The following ATAD3A variants were observed in gnomAD, a reference collection of about 807,000 sequenced individuals.
ATAD3A encodes the protein ATPase family AAA domain containing 3A, also known as ATPase family AAA domain-containing protein 3A.
In ATAD3A, 46 loss-of-function variants were observed where a neutral mutation model predicts 73.8. The ratio of observed to expected loss-of-function variants is 0.62; its 90% CI spans 0.49 to 0.80. The LOEUF (loss-of-function observed/expected upper bound fraction) is 0.80, where lower values mean the gene tolerates loss of function less well. Among genes scored for constraint, ATAD3A ranks in the 30% least tolerant of loss-of-function variants. ATAD3A has a pLI of 0.00. For missense variants in ATAD3A, 705 were observed against 838.0 expected, an observed-to-expected ratio of 0.84 and a Z score of 1.96; for synonymous variants, 319 against 350.0, an observed-to-expected ratio of 0.91 and a Z score of 0.99.
intron 15 of ATAD3A, among the ~76,000 whole-genome samples, chr1:1,531,823 G>A (rs1239714602): frequency 2.0e-5 from 3 of 151,450 alleles, no homozygotes; most frequent in African/African-American, 7.3e-5. Context: ...GGCTGGGCAC[G>A]GTGGCTCACA....
chr1:1,523,951 C>G lies in ATAD3A; in HGVS notation c.1076C>G (p.Thr359Arg). 1 of 1,613,928 alleles carries G rather than the reference C, an allele frequency of 6.2e-7. No homozygotes were observed. ...LMYGPPGTGK[T>R]LFAKKLALHS... ...TACGGGCCACCAGGCACCGGGAAGACGCTGTTTGCCAAGGTGAGAGCGCCT... is the reference window on the plus strand; with the variant it reads ...TACGGGCCACCAGGCACCGGGAAGAGGCTGTTTGCCAAGGTGAGAGCGCCT... Residue 359 changes from threonine (T) to arginine (R), a missense_variant, in exon 10 of 16, where the codon ACG becomes AGG. Thr to Arg is a moderately conservative substitution (Grantham distance 71). Around this residue, in one of 5 missense-constraint regions of ATAD3A, gnomAD observed 315 missense variants for 334.1 expected, o/e 0.94. Coordinates refer to ENST00000378756, the MANE Select transcript of ATAD3A (RefSeq NM_001170535.3). The surrounding 1 kb of genome is among the most constrained non-coding windows in gnomAD (Gnocchi z 5.1).
chr1:1,516,444 G>A (rs1641360895), intron 2 of ATAD3A, among the ~76,000 whole-genome samples: 1 of 152,100 alleles, frequency 6.6e-6, no homozygotes, highest in South Asian at 2.1e-4. Flanking sequence ...TTGAAACGGA[G>A]TCTCTGTTTC....
Position 1,523,553 on chromosome 1 carries a change from G to A in ATAD3A, c.949G>A (p.Gly317Ser). 6.2e-7 allele frequency: 1 copy of A among 1,613,004 alleles called. No individual in the cohort carries two copies. Among genetic ancestry groups the A allele is most frequent in the Non-Finnish European group, 8.5e-7 (1 of 1,179,764 alleles). Residue 317 changes from glycine (G) to serine (S), a missense_variant, in exon 9 of 16, where the codon GGT (glycine) becomes AGT (serine). Physicochemically the swap from Gly to Ser is moderately conservative, Grantham distance 56 (BLOSUM62 0). Around this residue, in one of 5 missense-constraint regions of ATAD3A, gnomAD observed 315 missense variants for 334.1 expected, o/e 0.94. Transcript: ENST00000378756. The surrounding 1 kb of genome is among the most constrained non-coding windows in gnomAD (Gnocchi z 5.1). ...CAGTCGACCCCAGGACGCGCTGGAG[G>A]GTGTTGTGCTCAGTGTAAGTCGGTG... ...LLSRPQDALE[G>S]VVLSPSLEAR...
At chr1:1,525,104 A>T in intron 11 of ATAD3A, 136 bp from the exon 12 acceptor site, 1 of 1,229,534 alleles carries the variant, frequency 8.1e-7, no homozygotes, top group Non-Finnish European at 1.2e-6. Context: ...CGAGTCCAGG[A>T]CTTAGGGCTG....
At chr1:1,514,328 T>C (rs537020914) in intron 1 of ATAD3A, among the ~76,000 whole-genome samples, 2 of 152,086 alleles carry the variant, frequency 1.3e-5, no homozygotes, top group Non-Finnish European at 2.9e-5. Flanking sequence ...TTCCTGTCAC[T>C]GCTCTGTGGC....
intron 7 of ATAD3A, among the ~76,000 whole-genome samples, chr1:1,521,016 G>A (rs1186437266): frequency 6.6e-6 from 1 of 151,808 alleles, no homozygotes; most frequent in Non-Finnish European, 1.5e-5. Context: ...AAAAATTGTC[G>A]ATAGTCGTGG....
At position 1,515,754 on chromosome 1, in the gene ATAD3A, C is replaced by T. The variant is rs566474475; in HGVS notation, c.206-258C>T. Among the ~76,000 whole-genome samples the T allele has an allele frequency of 5.9e-5, 9 of 152,306 alleles. No homozygotes were observed. The South Asian group carries it at 1.9e-3, about 32-fold the overall frequency. On this transcript the variant is annotated intron_variant, in intron 1 of 15. Transcript: ENST00000378756. ...TTGGGAAAGAGCCTCCTCCCGTCCA[C>T]GTGGGATGGCCTTCCTGATGTGGCT...
At chr1:1,519,036 C>CTTGTGGACCCGGCGTGCACTCT (rs1641493202) in intron 5 of ATAD3A, 46 bp downstream of exon 5, 1 of 1,613,630 alleles carries the variant, frequency 6.2e-7, no homozygotes, top group South Asian at 1.1e-5. Flanking sequence ...GCGGGGGCTG[C>CTTGTGGACCCGGCGTGCACTCT]TTGTGGACCC....
intron 1 of ATAD3A, among the ~76,000 whole-genome samples, chr1:1,514,495 T>C (rs1308592445): frequency 6.6e-6 from 1 of 152,218 alleles, no homozygotes; most frequent in Non-Finnish European, 1.5e-5. Context: ...CGGTCTCATC[T>C]GTGCTCTGTT....
intron 15 of ATAD3A, among the ~76,000 whole-genome samples, chr1:1,532,947 C>A (rs537753558): frequency 6.7e-6 from 1 of 149,888 alleles, no homozygotes; most frequent in East Asian, 1.9e-4. Context: ...CCCGGGCCCC[C>A]GACCCACAGT....
chr1:1,532,319 T>C (rs1642058689), intron 15 of ATAD3A, among the ~76,000 whole-genome samples: 1 of 152,168 alleles, frequency 6.6e-6, no homozygotes, highest in African/African-American at 2.4e-5. Context: ...AGTGAGGAAA[T>C]GTTCTTCAAT....
In ATAD3A at chr1:1,520,452, C is replaced by CCGTG; in HGVS notation, c.681-94_681-91dup. 2 of 1,606,796 alleles carry CCGTG rather than the reference C, an allele frequency of 1.2e-6. No individual in the cohort carries two copies. The highest frequency in any genetic ancestry group is 2.7e-5 in the African/African-American group (2 of 74,984). The stretch of plus-strand genomic sequence containing the variant: ...GCACTGCCCCTCTGTCCTGGCAAGG[C>CCGTG]CGTGCCGCCATGTCAGGGCCTCACC... On this transcript the variant is annotated intron_variant, in intron 6 of 15. Coordinates refer to ENST00000378756, the MANE Select transcript of ATAD3A (RefSeq NM_001170535.3). This position sits in a 1 kb window ranked among gnomAD's most constrained non-coding sequence, Gnocchi z 4.0.
chr1:1,532,163 T>A (rs1339357151), intron 15 of ATAD3A, among the ~76,000 whole-genome samples: 4 of 152,168 alleles, frequency 2.6e-5, no homozygotes, highest in Non-Finnish European at 4.4e-5. Flanking sequence ...GGGTGTATAA[T>A]TTTTTTATTA....
Position 1,523,751 on chromosome 1 carries a change from G to A in ATAD3A, c.964-88G>A, listed in dbSNP as rs1166339988. ...GGTGGGAGGCTTCCCGAGGAGCCGA[G>A]TCTGCACCCAGGCATTCCCGCAGCC... On this transcript the variant is annotated intron_variant, in intron 9 of 15. Transcript: ENST00000378756. The surrounding 1 kb of genome is among the most constrained non-coding windows in gnomAD (Gnocchi z 5.1). The A allele has an allele frequency of 6.2e-7, 1 of 1,601,782 alleles. No homozygotes were observed. The highest frequency in any genetic ancestry group is 8.5e-7 in the Non-Finnish European group (1 of 1,173,190).
At chr1:1,531,339 T>A (rs1261006653) in intron 15 of ATAD3A, among the ~76,000 whole-genome samples, 2 of 151,640 alleles carry the variant, frequency 1.3e-5, no homozygotes, top group Non-Finnish European at 2.9e-5. Context: ...TAATCCCAGC[T>A]ACTTGGGAGA....
intron 12 of ATAD3A, 100 bp downstream of exon 12, chr1:1,525,391 G>T: frequency 8.9e-5 from 104 of 1,162,528 alleles, no homozygotes; most frequent in Middle Eastern, 2.1e-4. Flanking sequence ...CTTTTTCTCT[G>T]TAAGCTTTGT....
intron 15 of ATAD3A, among the ~76,000 whole-genome samples, chr1:1,530,355 A>G (rs1641992991): frequency 1.3e-5 from 2 of 152,324 alleles, no homozygotes; most frequent in South Asian, 4.1e-4. Flanking sequence ...AAAGCAAGGC[A>G]AGACCCCATC....
chr1:1,534,072 A>G lies in ATAD3A; in HGVS notation c.1761A>G (p.Ter587TrpextTer62). ...PGRGDEPSPS[*>W] ...GTGGGGACGAGCCCTCCCCATCCTG[A>G]GTCCACAGGGAGATCCACAGCTCAC... The change falls in exon 16 of 16, where the codon TGA (stop) becomes TGG (tryptophan). Residue 587 changes from the stop codon to tryptophan, a stop_lost. Coordinates refer to ENST00000378756, the MANE Select transcript of ATAD3A (RefSeq NM_001170535.3). 6.2e-7 allele frequency: 1 copy of G among 1,613,438 alleles called. No homozygotes were observed. Among genetic ancestry groups the G allele is most frequent in the Non-Finnish European group, 8.5e-7 (1 of 1,179,872 alleles).
chr1:1,530,600 C>T (rs1326877528), intron 15 of ATAD3A, among the ~76,000 whole-genome samples: 141 of 110,550 alleles, frequency 1.3e-3, no homozygotes, highest in African/African-American at 6.2e-3. Context: ...GAGGCCGAGG[C>T]GGGCGGATCA....
Sources: gnomAD v4.1 joint callset for allele counts (sites outside exome capture counted in the v4.1 genomes callset) on GRCh38, gnomAD v4.1.1 for gene constraint, gnomAD v4.1.1 regional missense constraint, Gnocchi (gnomAD v3.1) non-coding constraint, MANE v1.5 for transcripts, NCBI Gene and HGNC (gene_info 2026-07-23, HGNC 2026-07-21) for gene names.